The following RTTN variants were observed in gnomAD, a reference collection of about 807,000 sequenced individuals.
RTTN encodes rotatin.
In RTTN, 182 loss-of-function variants were observed where a neutral mutation model predicts 269.2. That is an observed-to-expected ratio of 0.68 (90% confidence interval 0.60 to 0.76). The LOEUF (loss-of-function observed/expected upper bound fraction) is 0.76. RTTN is among the 30% of genes least tolerant of loss of function. The probability of loss-of-function intolerance (pLI) is 0.00; values close to 1 mark genes in which losing one functional copy is unlikely to be tolerated. For synonymous variants in RTTN, 1,006 were observed against 963.5 expected (o/e 1.04, Z -0.82); for missense variants, 2,545 against 2,608.6 (o/e 0.98, Z 0.53).
At chr18:70,070,861 G>A (rs1031843025) in intron 34 of RTTN, among the ~76,000 whole-genome samples, 1 of 152,162 alleles carries the variant, frequency 6.6e-6, no homozygotes, top group African/African-American at 2.4e-5. Flanking sequence ...TTGTTAAGTG[G>A]TCACTGAATC....
At position 70,196,745 on chromosome 18, in the gene RTTN, T is replaced by C. The variant is rs2061819716; in HGVS notation, c.694-97A>G. 1.7e-5 allele frequency: 21 copies of C among 1,222,642 alleles called. No individual in the cohort carries two copies. The South Asian group carries it at 2.7e-4, about 16-fold the overall frequency. The allele number at this position is 1,222,642 out of a possible 1,614,324, so 75.7% of individuals were successfully genotyped here. ...TAAGTAAGTAAGCCTAAGTGAATAA[T>C]CAAGAGAAAATAAGTTGCCAAATAT... On this transcript the variant is annotated intron_variant, in intron 6 of 48. Coordinates refer to ENST00000640769, the MANE Select transcript of RTTN (RefSeq NM_173630.4).
At chr18:70,112,356 C>T (rs2059490118) in intron 27 of RTTN, among the ~76,000 whole-genome samples, 1 of 151,846 alleles carries the variant, frequency 6.6e-6, no homozygotes, top group South Asian at 2.1e-4. Context: ...AAGACACAGA[C>T]TGGCAAATTG....
At chr18:70,055,090 A>G (rs913275970) in intron 37 of RTTN, among the ~76,000 whole-genome samples, 1 of 152,174 alleles carries the variant, frequency 6.6e-6, no homozygotes, top group South Asian at 2.1e-4. Flanking sequence ...CATCTTCAAT[A>G]TTACCAACAA....
At chr18:70,097,060 A>C (rs1311087307) in intron 28 of RTTN, among the ~76,000 whole-genome samples, 1 of 152,214 alleles carries the variant, frequency 6.6e-6, no homozygotes, top group African/African-American at 2.4e-5. Flanking sequence ...ATAAATGACA[A>C]GCCAAGACCT....
At chr18:70,090,729 A>G (rs577302536) in intron 30 of RTTN, among the ~76,000 whole-genome samples, 14 of 152,322 alleles carry the variant, frequency 9.2e-5, no homozygotes, top group African/African-American at 2.6e-4. Flanking sequence ...TCTGTGGGCC[A>G]GAATGATGAC....
At chr18:70,164,822 C>T (rs1349844003) in intron 14 of RTTN, among the ~76,000 whole-genome samples, 2 of 152,010 alleles carry the variant, frequency 1.3e-5, no homozygotes, top group Non-Finnish European at 2.9e-5. Context: ...AGCGAAAAGT[C>T]CTAAGCAAGA....
rs1269709747 is a variant in RTTN at position 70,150,730 on chromosome 18, A to T, written c.1933T>A (p.Cys645Ser). 2 of 1,577,178 alleles carry T rather than the reference A, an allele frequency of 1.3e-6. No individual in the cohort carries two copies. The highest frequency in any genetic ancestry group is 8.6e-7 in the Non-Finnish European group (1 of 1,159,318). Reference protein sequence around the residue: ...YHCCLEITKECLGVHNVTKPV... With the variant: ...YHCCLEITKESLGVHNVTKPV... ...TTAGTGACATTATGGACACCTAAAC[A>T]TTCCTGTAAAATAATATTAAAAAGT... is the stretch of plus-strand genomic sequence containing the variant. Residue 645 changes from cysteine (C) to serine (S), a missense_variant, in exon 15 of 49, where the codon TGT becomes AGT. Cys to Ser is a moderately radical substitution (Grantham distance 112, BLOSUM62 -1). Coordinates refer to ENST00000640769, the MANE Select transcript of RTTN (RefSeq NM_173630.4).
intron 10 of RTTN, among the ~76,000 whole-genome samples, chr18:70,184,945 A>G (rs2061512114): frequency 6.6e-6 from 1 of 151,964 alleles, no homozygotes; most frequent in South Asian, 2.1e-4. Context: ...ACCTTATTTC[A>G]AGACTTACAA....
chr18:70,015,566 A>C (rs2056515930), intron 46 of RTTN, among the ~76,000 whole-genome samples: 1 of 152,194 alleles, frequency 6.6e-6, no homozygotes, highest in African/African-American at 2.4e-5. Context: ...TTCCACACAG[A>C]AACTGCACAG....
intron 23 of RTTN, 131 bp from the exon 24 acceptor site, chr18:70,128,677 A>G: frequency 1.5e-6 from 1 of 650,400 alleles, no homozygotes; most frequent in Non-Finnish European, 2.7e-6. Context: ...CTTAGTCCCT[A>G]TTTTAAACAA....
chr18:70,148,551 G>A (rs2060454745), intron 17 of RTTN, among the ~76,000 whole-genome samples: 1 of 152,118 alleles, frequency 6.6e-6, no homozygotes, highest in Non-Finnish European at 1.5e-5. Flanking sequence ...GGATCACTCT[G>A]GAAGGCTAAC....
chr18:70,048,896 A>C (rs2057572424), intron 39 of RTTN, among the ~76,000 whole-genome samples: 1 of 151,840 alleles, frequency 6.6e-6, no homozygotes, highest in Admixed American at 6.6e-5. Flanking sequence ...AAACCATGGC[A>C]AAAAAAATGA....
At chr18:70,193,176 CAAA>C (rs35759421) in intron 8 of RTTN, 109 bp downstream of exon 8, 6,236 of 650,278 alleles carry the variant, frequency 9.6e-3, no homozygotes, top group South Asian at 0.013. Flanking sequence ...GTTAATGTTT[CAAA>C]AAAAAAAAAA....
intron 35 of RTTN, among the ~76,000 whole-genome samples, chr18:70,062,867 G>C (rs1465104877): frequency 6.6e-6 from 1 of 152,030 alleles, no homozygotes. Flanking sequence ...TTATTGGTGT[G>C]AGCTGCTGTG....
chr18:70,197,916 C>T (rs1418438675), intron 5 of RTTN, among the ~76,000 whole-genome samples, 178 bp from the exon 6 acceptor site: 3 of 152,144 alleles, frequency 2.0e-5, no homozygotes, highest in Non-Finnish European at 4.4e-5. Context: ...GGCAGTGCTC[C>T]TTCCGTTTGT....
intron 10 of RTTN, among the ~76,000 whole-genome samples, chr18:70,185,795 A>G (rs1041525993): frequency 2.6e-5 from 4 of 152,136 alleles, no homozygotes; most frequent in African/African-American, 4.8e-5. Flanking sequence ...AAACAAAAAA[A>G]ACTACCAGAA....
At chr18:70,094,649 C>T (rs1054806180) in intron 28 of RTTN, among the ~76,000 whole-genome samples, 1 of 152,098 alleles carries the variant, frequency 6.6e-6, no homozygotes, top group Admixed American at 6.5e-5. Context: ...GTCTGAGGGG[C>T]TGTTTGTTAT....
chr18:70,183,630 T>C (rs1369513000), intron 10 of RTTN, among the ~76,000 whole-genome samples: 1 of 152,144 alleles, frequency 6.6e-6, no homozygotes, highest in Admixed American at 6.5e-5. Context: ...AGCTAAAACA[T>C]TCTTTGTTGT....
intron 46 of RTTN, among the ~76,000 whole-genome samples, 174 bp downstream of exon 46, chr18:70,017,233 A>AAG (rs2056567780): frequency 6.6e-6 from 1 of 152,132 alleles, no homozygotes; most frequent in Non-Finnish European, 1.5e-5. Flanking sequence ...AGACTCCTGG[A>AAG]AGCCCACGGA....
Sources: allele counts gnomAD v4.1 joint callset (sites outside exome capture counted in the v4.1 genomes callset), GRCh38; gene constraint gnomAD v4.1.1; transcripts MANE v1.5; gene names NCBI Gene and HGNC (gene_info 2026-07-23, HGNC 2026-07-21).